The following RIGI variants were observed in gnomAD, a reference collection of about 807,000 sequenced individuals.
RIGI encodes the protein RNA sensor RIG-I.
chr9:32,464,547 G>A, the RIGI span, among the ~76,000 whole-genome samples: 18 of 152,158 alleles, frequency 1.2e-4, no homozygotes, highest in Non-Finnish European at 1.9e-4. Context: ...CCGTCACCGC[G>A]CCTGGCTAAT....
chr9:32,472,372 G>A, the RIGI span, among the ~76,000 whole-genome samples: 7 of 152,232 alleles, frequency 4.6e-5, no homozygotes, highest in Non-Finnish European at 7.3e-5. Context: ...AGAGCCTGGA[G>A]TGGTTTTTGG....
At chr9:32,457,227 A>G in the RIGI span, 1 of 1,613,994 alleles carries the variant, frequency 6.2e-7, no homozygotes, top group Non-Finnish European at 8.5e-7. Flanking sequence ...CCACCACAAA[A>G]CTTTCAATTT....
At chr9:32,489,339 C>CT in the RIGI span, 1 of 1,597,716 alleles carries the variant, frequency 6.3e-7, no homozygotes, top group African/African-American at 1.3e-5. Flanking sequence ...TGGCAATAGG[C>CT]TTACCTGTAG....
At chr9:32,487,583 A>C in the RIGI span, 5 of 1,614,204 alleles carry the variant, frequency 3.1e-6, no homozygotes, top group Non-Finnish European at 4.2e-6. Context: ...CCAAGGCTTC[A>C]TCTGTGTTTT....
At chr9:32,512,983 G>C in the RIGI span, among the ~76,000 whole-genome samples, 21 of 152,148 alleles carry the variant, frequency 1.4e-4, no homozygotes, top group African/African-American at 5.1e-4. Context: ...ACTACAAAAA[G>C]AATAAAATAC....
the RIGI span, among the ~76,000 whole-genome samples, chr9:32,521,151 A>AAAAAAAAAAAAAAAAAAAAAAAAAAT: frequency 6.7e-6 from 1 of 150,354 alleles, no homozygotes; most frequent in African/African-American, 2.4e-5. Context: ...AAAAAAAAAA[A>AAAAAAAAAAAAAAAAAAAAAAAAAAT]AAAAAAAAAA....
the RIGI span, among the ~76,000 whole-genome samples, chr9:32,464,116 C>T: frequency 6.6e-6 from 1 of 151,738 alleles, no homozygotes; most frequent in South Asian, 2.1e-4. Context: ...ACAGCTGGGG[C>T]GCTGGGGAAG....
chr9:32,512,554 T>C, the RIGI span, among the ~76,000 whole-genome samples: 3 of 152,274 alleles, frequency 2.0e-5, no homozygotes, highest in African/African-American at 7.2e-5. Flanking sequence ...AACTAGGTAT[T>C]GATGGAATGT....
the RIGI span, chr9:32,493,925 C>T: frequency 6.2e-7 from 1 of 1,602,628 alleles, no homozygotes; most frequent in East Asian, 2.2e-5. Flanking sequence ...TCAATGGCTT[C>T]ATAAAGTCCA....
the RIGI span, among the ~76,000 whole-genome samples, chr9:32,524,563 G>T: frequency 1.4e-5 from 2 of 146,078 alleles, no homozygotes; most frequent in Non-Finnish European, 3.0e-5. Flanking sequence ...AGGATTCCCA[G>T]GCCCCCTCTC....
At chr9:32,509,692 C>A in the RIGI span, among the ~76,000 whole-genome samples, 2 of 152,176 alleles carry the variant, frequency 1.3e-5, no homozygotes, top group Middle Eastern at 3.4e-3. Context: ...TCCAAAGGAT[C>A]ACAACTCCTT....
chr9:32,506,023 C>G, the RIGI span, among the ~76,000 whole-genome samples: 1 of 152,108 alleles, frequency 6.6e-6, no homozygotes, highest in African/African-American at 2.4e-5. Context: ...TCAAGACCAT[C>G]CTGGCCAACA....
the RIGI span, among the ~76,000 whole-genome samples, chr9:32,496,097 C>T: frequency 1.3e-5 from 2 of 152,092 alleles, no homozygotes; most frequent in Admixed American, 6.5e-5. Flanking sequence ...CATATAGTCC[C>T]ATTTGTCTAT....
chr9:32,521,401 CTTA>C, the RIGI span, among the ~76,000 whole-genome samples: 1 of 151,976 alleles, frequency 6.6e-6, no homozygotes. Context: ...TTTATTAGGC[CTTA>C]TTGTTGGGAA....
the RIGI span, among the ~76,000 whole-genome samples, chr9:32,458,953 G>T: frequency 6.7e-6 from 1 of 148,952 alleles, no homozygotes; most frequent in South Asian, 2.1e-4. Context: ...GCAGTGGCGC[G>T]ATATCAGCTC....
chr9:32,511,307 T>A, the RIGI span, among the ~76,000 whole-genome samples: 1 of 152,134 alleles, frequency 6.6e-6, no homozygotes, highest in Non-Finnish European at 1.5e-5. Flanking sequence ...CACATCATAC[T>A]TATTCTAAAA....
the RIGI span, among the ~76,000 whole-genome samples, chr9:32,481,772 G>C: frequency 6.6e-6 from 1 of 152,036 alleles, no homozygotes; most frequent in Non-Finnish European, 1.5e-5. Flanking sequence ...TTTTAGTAGA[G>C]ACAGGGTTTC....
At chr9:32,491,183 T>G in the RIGI span, 45 of 1,161,388 alleles carry the variant, frequency 3.9e-5, 1 homozygote, top group East Asian at 1.0e-3. Context: ...CTCTTTACTT[T>G]CTTAATTTTC....
the RIGI span, chr9:32,487,349 A>G: frequency 1.3e-3 from 1,221 of 974,542 alleles, 8 homozygotes; most frequent in African/African-American, 0.018. Context: ...CTCAAGTTCA[A>G]GGTTAAATAT....
Sources: gnomAD v4.1 joint callset for allele counts (sites outside exome capture counted in the v4.1 genomes callset) on GRCh38, gnomAD v4.1.1 for gene constraint, MANE v1.5 for transcripts, NCBI Gene and HGNC (gene_info 2026-07-23, HGNC 2026-07-21) for gene names.